SLC41A2: variants seen among roughly 807,000 people sequenced by gnomAD.
SLC41A2 encodes solute carrier family 41 member 2.
A neutral mutation model predicts 58.3 loss-of-function variants in SLC41A2; 32 were observed. That is an observed-to-expected ratio of 0.55 (90% CI 0.41 to 0.74). The LOEUF (loss-of-function observed/expected upper bound fraction) is 0.74, where lower values mean the gene tolerates loss of function less well. Ranked by LOEUF, SLC41A2 falls within the 30% of genes least tolerant of loss-of-function variation. The pLI, the probability that SLC41A2 is intolerant of heterozygous loss-of-function variation, is 0.00. For missense variants in SLC41A2, 514 were observed against 680.6 expected, an observed-to-expected ratio of 0.76 and a Z score of 2.72; for synonymous variants, 190 against 235.0, an observed-to-expected ratio of 0.81 and a Z score of 1.75.
intron 6 of SLC41A2, among the ~76,000 whole-genome samples, chr12:104,878,268 T>C (rs955060733): frequency 1.4e-5 from 2 of 147,404 alleles, no homozygotes; most frequent in Non-Finnish European, 3.0e-5. Context: ...GTAATTTAAA[T>C]ATCCAAATCT....
chr12:104,945,336 T>C (rs2047673127), intron 1 of SLC41A2, among the ~76,000 whole-genome samples: 1 of 150,472 alleles, frequency 6.6e-6, no homozygotes, highest in Non-Finnish European at 1.5e-5. Flanking sequence ...CCATCTCTAC[T>C]AAAAATACAA....
chr12:104,825,639 A>G (rs2041814621), intron 10 of SLC41A2, among the ~76,000 whole-genome samples: 1 of 152,336 alleles, frequency 6.6e-6, no homozygotes, highest in South Asian at 2.1e-4. Flanking sequence ...CAAATTCAGC[A>G]GGGCTCATTT....
At chr12:104,836,797 C>A (rs913881270) in intron 10 of SLC41A2, among the ~76,000 whole-genome samples, 11 of 152,250 alleles carry the variant, frequency 7.2e-5, no homozygotes, top group Admixed American at 3.3e-4. Context: ...GGTTTTCTGG[C>A]TAATCCATAC....
intron 1 of SLC41A2, among the ~76,000 whole-genome samples, chr12:104,932,071 G>C (rs1029239044): frequency 1.3e-5 from 2 of 152,146 alleles, no homozygotes; most frequent in African/African-American, 4.8e-5. Flanking sequence ...ATGCATTGAG[G>C]AAAATGTGGG....
At chr12:104,898,537 A>AT (rs2045405685) in intron 3 of SLC41A2, among the ~76,000 whole-genome samples, 3 of 151,478 alleles carry the variant, frequency 2.0e-5, no homozygotes. Context: ...TGTATTAACT[A>AT]TATGTGCAAA....
intron 10 of SLC41A2, among the ~76,000 whole-genome samples, chr12:104,813,667 G>A (rs927671411): frequency 1.3e-5 from 2 of 152,022 alleles, no homozygotes; most frequent in African/African-American, 2.4e-5. Context: ...ATAGAGTCTC[G>A]TTCTGTTGTC....
chr12:104,956,703 T>TAAAA (rs2048183286), intron 1 of SLC41A2, among the ~76,000 whole-genome samples: 1 of 151,000 alleles, frequency 6.6e-6, no homozygotes, highest in South Asian at 2.1e-4. Context: ...AATAAATAAA[T>TAAAA]AAAAATAAAA....
intron 2 of SLC41A2, among the ~76,000 whole-genome samples, chr12:104,925,490 G>A (rs996303572): frequency 2.0e-5 from 3 of 152,120 alleles, no homozygotes; most frequent in African/African-American, 4.8e-5. Flanking sequence ...CCCGGGAGGC[G>A]GAGTTTGCAG....
At chr12:104,929,440 GC>G (rs751850456) in intron 1 of SLC41A2, among the ~76,000 whole-genome samples, 8 of 152,314 alleles carry the variant, frequency 5.3e-5, no homozygotes, top group Admixed American at 1.3e-4. Context: ...ACTTATTTAT[GC>G]CCTGCCCTGT....
intron 2 of SLC41A2, among the ~76,000 whole-genome samples, chr12:104,923,144 C>T (rs941020997): frequency 1.2e-4 from 17 of 145,890 alleles, no homozygotes; most frequent in Non-Finnish European, 1.1e-4. Context: ...GTGTGGGTCA[C>T]GAGGTCAGGA....
intron 2 of SLC41A2, among the ~76,000 whole-genome samples, chr12:104,910,457 A>G (rs1439927390): frequency 6.6e-6 from 1 of 152,198 alleles, no homozygotes; most frequent in Non-Finnish European, 1.5e-5. Flanking sequence ...AAATGAAAAT[A>G]ATATCCACCC....
At chr12:104,822,801 T>C (rs1433124687) in intron 10 of SLC41A2, among the ~76,000 whole-genome samples, 1 of 151,920 alleles carries the variant, frequency 6.6e-6, no homozygotes, top group East Asian at 1.9e-4. Context: ...AAAATTTTAA[T>C]TGCAGGTAAA....
In SLC41A2 at chr12:104,816,647, A is replaced by T. The variant is rs2041418308; in HGVS notation, c.1537-11310T>A. 2.0e-5 allele frequency among the ~76,000 whole-genome samples: 3 copies of T among 152,356 alleles called. No homozygotes were observed. The South Asian group carries it at 6.2e-4, about 32-fold the overall frequency. On this transcript the variant is annotated intron_variant, in intron 10 of 10. Transcript: ENST00000258538. ...AAAGCTGCACCTCTGAATAAGAAATAAACCAGCCCCCACAGAAGGAGCAGG... is the reference window on the plus strand; with the variant it reads ...AAAGCTGCACCTCTGAATAAGAAATTAACCAGCCCCCACAGAAGGAGCAGG...
chr12:104,874,784 C>T (rs2043969007), intron 6 of SLC41A2, among the ~76,000 whole-genome samples: 1 of 152,112 alleles, frequency 6.6e-6, no homozygotes, highest in South Asian at 2.1e-4. Flanking sequence ...AAGTGTGATG[C>T]CTCCAACTTT....
At chr12:104,940,371 T>C (rs1381482192) in intron 1 of SLC41A2, among the ~76,000 whole-genome samples, 3 of 150,684 alleles carry the variant, frequency 2.0e-5, no homozygotes, top group African/African-American at 7.3e-5. Context: ...GGGGGAGGGA[T>C]AGCATTAGGA....
intron 10 of SLC41A2, among the ~76,000 whole-genome samples, chr12:104,842,427 T>A (rs1240041787): frequency 6.6e-6 from 1 of 152,070 alleles, no homozygotes; most frequent in African/African-American, 2.4e-5. Context: ...AAAAGACACA[T>A]AAGAAAATTC....
intron 10 of SLC41A2, among the ~76,000 whole-genome samples, chr12:104,826,571 C>A (rs1461908691): frequency 6.6e-6 from 1 of 152,128 alleles, no homozygotes; most frequent in Non-Finnish European, 1.5e-5. Flanking sequence ...ACCTTTCTAT[C>A]CAACTTCAGC....
intron 1 of SLC41A2, among the ~76,000 whole-genome samples, chr12:104,938,935 A>G (rs2047390738): frequency 6.6e-6 from 1 of 152,222 alleles, no homozygotes; most frequent in Non-Finnish European, 1.5e-5. Flanking sequence ...AATCTCAAAA[A>G]CCAAAATTTC....
Position 104,909,632 on chromosome 12 carries a change from A to G in SLC41A2, c.663+23T>C. On this transcript the variant is annotated intron_variant, in intron 3 of 10. Transcript: ENST00000258538. Reference sequence around the variant, plus strand: ...AGAAACAGGATAGGTAATACACATAATTTGAGGTAGGAAAAAACTTACTGC... The same window carrying G: ...AGAAACAGGATAGGTAATACACATAGTTTGAGGTAGGAAAAAACTTACTGC... The G allele has an allele frequency of 3.4e-6, 5 of 1,490,328 alleles. No individual in the cohort carries two copies. The Admixed American group carries it at 9.0e-5, about 27-fold the overall frequency. The allele number at this position is 1,490,328 out of a possible 1,614,324, so 92.3% of individuals were successfully genotyped here. A position where few individuals can be genotyped will look rare whatever the true frequency, so the allele number is the denominator to read the frequency against.
Sources: allele counts gnomAD v4.1 joint callset (sites outside exome capture counted in the v4.1 genomes callset), GRCh38; gene constraint gnomAD v4.1.1; transcripts MANE v1.5; gene names NCBI Gene and HGNC (gene_info 2026-07-23, HGNC 2026-07-21).